Variants in CABIN1 observed in about 807,000 individuals in gnomAD.
CABIN1 encodes calcineurin binding protein 1, also known as calcineurin-binding protein cabin-1.
A neutral mutation model predicts 227.7 loss-of-function variants in CABIN1; 133 were observed. That is an observed-to-expected ratio of 0.58 (90% CI 0.51 to 0.67). CABIN1 has a LOEUF of 0.67. Ranked by LOEUF, CABIN1 falls within the 30% of genes least tolerant of loss-of-function variation. The pLI, the probability that CABIN1 is intolerant of heterozygous loss-of-function variation, is 0.00. For synonymous variants in CABIN1, 1,086 were observed against 1,155.1 expected (o/e 0.94, Z 1.21); for missense variants, 2,408 against 2,852.5 (o/e 0.84, Z 3.55).
intron 7 of CABIN1, among the ~76,000 whole-genome samples, chr22:24,050,398 C>T (rs965734065): frequency 1.3e-5 from 2 of 152,166 alleles, no homozygotes; most frequent in African/African-American, 4.8e-5. Flanking sequence ...CAAGCCCCTG[C>T]CCTTTCTGTA....
intron 8 of CABIN1, among the ~76,000 whole-genome samples, chr22:24,053,718 G>T (rs1191162518): frequency 6.6e-6 from 1 of 152,090 alleles, no homozygotes; most frequent in Non-Finnish European, 1.5e-5. Flanking sequence ...ACACTTCCTG[G>T]ATGCTGGCTC....
chr22:24,104,344 C>A (rs2042384280), intron 26 of CABIN1, among the ~76,000 whole-genome samples: 1 of 152,208 alleles, frequency 6.6e-6, no homozygotes, highest in Non-Finnish European at 1.5e-5. Flanking sequence ...ATGTTTAAAG[C>A]CTCCCGAGGC....
intron 1 of CABIN1, among the ~76,000 whole-genome samples, chr22:24,026,707 G>T (rs1207478858): frequency 6.6e-6 from 1 of 152,066 alleles, no homozygotes; most frequent in Non-Finnish European, 1.5e-5. Flanking sequence ...TTTCATTTGG[G>T]TTCTTATGGA....
intron 1 of CABIN1, among the ~76,000 whole-genome samples, chr22:24,025,887 G>T (rs1427525057): frequency 2.0e-5 from 3 of 151,436 alleles, no homozygotes; most frequent in Admixed American, 1.3e-4. Context: ...AGGCTGGAGT[G>T]CGGTGGCACA....
At chr22:24,109,237 T>G in intron 26 of CABIN1, among the ~76,000 whole-genome samples, 1 of 151,594 alleles carries the variant, frequency 6.6e-6, no homozygotes. Flanking sequence ...TTTTTTTTTT[T>G]AGACAGGGTC....
intron 17 of CABIN1, among the ~76,000 whole-genome samples, chr22:24,071,675 T>C (rs2040097084): frequency 1.3e-5 from 2 of 152,214 alleles, no homozygotes; most frequent in African/African-American, 2.4e-5. Flanking sequence ...CCAGCCGCTT[T>C]CCAGCCACAG....
At chr22:24,121,169 A>C (rs2043389278) in intron 28 of CABIN1, among the ~76,000 whole-genome samples, 1 of 152,252 alleles carries the variant, frequency 6.6e-6, no homozygotes, top group Admixed American at 6.5e-5. Flanking sequence ...GGCTCCCCCC[A>C]GCATCCTCAG....
chr22:24,153,804 A>G (rs1017605757), intron 29 of CABIN1, among the ~76,000 whole-genome samples: 1 of 152,140 alleles, frequency 6.6e-6, no homozygotes, highest in Non-Finnish European at 1.5e-5. Context: ...CTCCCAGGGA[A>G]GTCTCCCCAG....
At position 24,167,091 on chromosome 22, in the gene CABIN1, C is replaced by G; in HGVS notation, c.5460C>G (p.Pro1820=). Residue 1820 remains proline, a synonymous_variant, in exon 32 of 37, where the codon CCC becomes CCG. Transcript: ENST00000263119. ...PTPLTPAQPA[P]APAPATTTGT... ...CGCTCACCCCAGCCCAGCCAGCCCCCGCCCCCGCCCCCGCCACCACCACAG... is the reference window on the plus strand; with the variant it reads ...CGCTCACCCCAGCCCAGCCAGCCCCGGCCCCCGCCCCCGCCACCACCACAG... 6.5e-7 allele frequency: 1 copy of G among 1,544,196 alleles called. No individual in the cohort carries two copies. Among genetic ancestry groups the G allele is most frequent in the Non-Finnish European group, 8.7e-7 (1 of 1,144,590 alleles).
chr22:24,109,084 G>A (rs115751882), intron 26 of CABIN1, among the ~76,000 whole-genome samples: 1,853 of 152,278 alleles, frequency 0.012, 35 homozygotes, highest in African/African-American at 0.043. Context: ...TACATGCATG[G>A]AAACTGAAGT....
intron 26 of CABIN1, among the ~76,000 whole-genome samples, chr22:24,099,100 C>T (rs988876423): frequency 2.0e-5 from 3 of 152,258 alleles, no homozygotes; most frequent in African/African-American, 7.2e-5. Context: ...CTCTAGGGCA[C>T]CATGGTAGCC....
rs371694103 is a variant in CABIN1 at position 24,177,778 on chromosome 22, C to A, written c.6480C>A (p.Pro2160=). 2.5e-6 allele frequency: 4 copies of A among 1,609,516 alleles called. No individual in the cohort carries two copies. Among genetic ancestry groups the A allele is most frequent in the Admixed American group, 1.7e-5 (1 of 59,798 alleles). Residue 2160 remains proline, a synonymous_variant, in exon 36 of 37, where the codon CCC becomes CCA. Transcript: ENST00000263119. The surrounding 1 kb of genome is among the most constrained non-coding windows in gnomAD (Gnocchi z 4.4). ...VTPPTPTLLS[P]KGSISEETKQ... is the part of the protein sequence containing the mutation. ...CACCCACCCCAACCCTGCTCTCCCCCAAAGGCAGCATCTCGGAGGAGACCA... is the reference window on the plus strand; with the variant it reads ...CACCCACCCCAACCCTGCTCTCCCCAAAAGGCAGCATCTCGGAGGAGACCA...
At position 24,144,468 on chromosome 22, in the gene CABIN1, G is replaced by T. The variant is rs1015312166; in HGVS notation, c.4746+10053G>T. On this transcript the variant is annotated intron_variant, in intron 29 of 36. Transcript: ENST00000263119. The stretch of plus-strand genomic sequence containing the variant: ...AGCCATTAGAGAGGCCCACTCTCAA[G>T]GGGTGCCCAGGTCCCTAGGGGAGAT... Among the ~76,000 whole-genome samples, 5 of 152,360 alleles carry T rather than the reference G, an allele frequency of 3.3e-5. No homozygotes were observed. The East Asian group carries it at 9.6e-4, about 29-fold the overall frequency.
intron 14 of CABIN1, among the ~76,000 whole-genome samples, chr22:24,063,420 C>T (rs1350921976): frequency 6.6e-6 from 1 of 152,202 alleles, no homozygotes; most frequent in Non-Finnish European, 1.5e-5. Context: ...TGCTCTGCCT[C>T]TACCTCCCCC....
At chr22:24,015,851 G>A (rs1255677733) in intron 1 of CABIN1, among the ~76,000 whole-genome samples, 1 of 152,028 alleles carries the variant, frequency 6.6e-6, no homozygotes, top group African/African-American at 2.4e-5. Context: ...CCAGCTACCC[G>A]GGAAGCTGAG....
chr22:24,051,943 C>T (rs932123894), intron 8 of CABIN1, among the ~76,000 whole-genome samples: 1 of 152,100 alleles, frequency 6.6e-6, no homozygotes, highest in South Asian at 2.1e-4. Context: ...ACCCGAGCAC[C>T]GAGATGGCCA....
intron 28 of CABIN1, among the ~76,000 whole-genome samples, chr22:24,131,530 C>T (rs571018457): frequency 6.6e-6 from 1 of 152,316 alleles, no homozygotes; most frequent in East Asian, 1.9e-4. Context: ...CACCCTGGCT[C>T]CCCACTGGCC....
chr22:24,166,005 C>CCTCCTT (rs1460737012), intron 31 of CABIN1, among the ~76,000 whole-genome samples: 6 of 152,176 alleles, frequency 3.9e-5, no homozygotes, highest in Non-Finnish European at 8.8e-5. Flanking sequence ...TGCAGCAGTA[C>CCTCCTT]CTCCTTCTCA....
intron 22 of CABIN1, among the ~76,000 whole-genome samples, chr22:24,087,201 T>C (rs2041227148): frequency 6.6e-6 from 1 of 152,210 alleles, no homozygotes; most frequent in Non-Finnish European, 1.5e-5. Flanking sequence ...ACATTTTGTC[T>C]CATAATGCCC....
Sources: gnomAD v4.1 joint callset for allele counts (sites outside exome capture counted in the v4.1 genomes callset) on GRCh38, gnomAD v4.1.1 for gene constraint, Gnocchi (gnomAD v3.1) non-coding constraint, MANE v1.5 for transcripts, NCBI Gene and HGNC (gene_info 2026-07-23, HGNC 2026-07-21) for gene names.